The following PCDHA3 variants were observed in gnomAD, a reference collection of about 807,000 sequenced individuals.
PCDHA3 encodes the protein protocadherin alpha 3.
In PCDHA3, 41 loss-of-function variants were observed where a neutral mutation model predicts 62.2. That is an observed-to-expected ratio of 0.66 (90% CI 0.51 to 0.86). PCDHA3 has a LOEUF of 0.86. Ranked by LOEUF, PCDHA3 falls within the 40% of genes least tolerant of loss-of-function variation. The pLI is 0.00. For missense variants in PCDHA3, 1,304 were observed against 1,241.2 expected, an observed-to-expected ratio of 1.05 and a Z score of -0.76; for synonymous variants, 640 against 555.4, an observed-to-expected ratio of 1.15 and a Z score of -2.14.
At chr5:140,882,070 C>A in intron 1 of PCDHA3, 1 of 854,286 alleles carries the variant, frequency 1.2e-6, no homozygotes, top group Non-Finnish European at 1.8e-6. Context: ...CGTTCATGCG[C>A]ATGGTGTCGC....
intron 1 of PCDHA3, chr5:140,830,441 G>A (rs2150186537): frequency 6.2e-7 from 1 of 1,608,224 alleles, no homozygotes; most frequent in South Asian, 1.1e-5. Context: ...TATTATGATG[G>A]GTAAGGCGGA....
At chr5:140,888,843 G>T (rs2153425504) in intron 1 of PCDHA3, among the ~76,000 whole-genome samples, 1 of 152,082 alleles carries the variant, frequency 6.6e-6, no homozygotes, top group East Asian at 1.9e-4. Context: ...ACTGCAGCCT[G>T]GTGACAGAGT....
intron 1 of PCDHA3, chr5:140,966,932 G>A: frequency 6.2e-7 from 1 of 1,603,726 alleles, no homozygotes; most frequent in Non-Finnish European, 8.5e-7. Flanking sequence ...GGCACCCGGC[G>A]CGCTCGTGGG....
chr5:140,989,253 G>A (rs886150768), intron 3 of PCDHA3, among the ~76,000 whole-genome samples: 4 of 152,194 alleles, frequency 2.6e-5, no homozygotes, highest in Non-Finnish European at 1.5e-5. Flanking sequence ...CTTGTCAAAA[G>A]GGAGATTCAA....
intron 1 of PCDHA3, chr5:140,814,443 T>A (rs2126655227): frequency 2.0e-5 from 3 of 150,026 alleles, no homozygotes; most frequent in Non-Finnish European, 2.9e-5. Flanking sequence ...TGTGGTGACC[T>A]TTTTTCTTTT....
chr5:140,862,657 C>T (rs2047475881), intron 1 of PCDHA3: 2 of 545,364 alleles, frequency 3.7e-6, no homozygotes, highest in South Asian at 2.8e-5. Context: ...CGCGCGGGAC[C>T]GGGACGCGCA....
chr5:140,874,695 T>C (rs1278085784), intron 1 of PCDHA3, among the ~76,000 whole-genome samples: 1 of 152,228 alleles, frequency 6.6e-6, no homozygotes, highest in East Asian at 1.9e-4. Flanking sequence ...TAACATGTTA[T>C]GGAAATGAGA....
intron 1 of PCDHA3, chr5:140,807,311 G>T (rs781800843): frequency 1.9e-6 from 3 of 1,614,084 alleles, no homozygotes; most frequent in Middle Eastern, 1.7e-4. Context: ...GGCCAAACAC[G>T]GCACCTTCGT....
chr5:140,898,245 T>G (rs1583300763), intron 1 of PCDHA3, among the ~76,000 whole-genome samples: 1 of 152,246 alleles, frequency 6.6e-6, no homozygotes, highest in East Asian at 1.9e-4. Flanking sequence ...TTTGGTGTTT[T>G]AGACATGAAG....
Position 140,801,171 on chromosome 5 carries a change from C to T in PCDHA3, c.-27C>T. 7 of 1,563,956 alleles carry T rather than the reference C, an allele frequency of 4.5e-6. No individual in the cohort carries two copies. The highest frequency in any genetic ancestry group is 6.0e-6 in the Non-Finnish European group (7 of 1,157,848). On this transcript the variant is annotated 5_prime_UTR_variant, in exon 1 of 4. Transcript: ENST00000522353. ...TTTAAACTTTGGATCAATGTAAAGG[C>T]AATCTAATATTTGGAAAATACTTGC...
At chr5:140,942,588 ATATAAT>A (rs1164852863) in intron 1 of PCDHA3, among the ~76,000 whole-genome samples, 1 of 149,588 alleles carries the variant, frequency 6.7e-6, no homozygotes, top group Non-Finnish European at 1.5e-5. Flanking sequence ...AGGATGTCAC[ATATAAT>A]TATAGTGTTT....
At chr5:140,929,424 A>G in intron 1 of PCDHA3, 1 of 1,496,380 alleles carries the variant, frequency 6.7e-7, no homozygotes, top group East Asian at 2.3e-5. Flanking sequence ...ACATTTCATC[A>G]ATTGAACTAA....
chr5:140,836,547 C>CGGT, intron 1 of PCDHA3: 1 of 1,613,738 alleles, frequency 6.2e-7, no homozygotes, highest in Non-Finnish European at 8.5e-7. Context: ...CACGGCGTTG[C>CGGT]GGTGCTCAGC....
intron 1 of PCDHA3, chr5:140,825,843 T>C (rs1768734977): frequency 6.6e-6 from 1 of 152,442 alleles, no homozygotes; most frequent in Non-Finnish European, 1.5e-5. Context: ...AAATATACCA[T>C]GATACAAACT....
intron 1 of PCDHA3, chr5:140,969,237 C>T (rs1278018540): frequency 6.2e-7 from 1 of 1,614,156 alleles, no homozygotes; most frequent in African/African-American, 1.3e-5. Flanking sequence ...GGAGCCCAAG[C>T]AGCAGTGACT....
chr5:140,856,923 T>A (rs1178891192), intron 1 of PCDHA3: 1 of 1,595,300 alleles, frequency 6.3e-7, no homozygotes, highest in Non-Finnish European at 8.6e-7. Flanking sequence ...AGAAGGAAAT[T>A]TTGGATAAAC....
rs140846988 is a variant in PCDHA3 at position 140,828,361 on chromosome 5, C to A, written c.2394+24770C>A. The A allele has an allele frequency of 2.3e-4, 364 of 1,614,242 alleles. 1 individual carries two copies. In the African/African-American group the frequency reaches 3.9e-3, roughly 17 times the overall value. ...GCATTTTGTTTGTGAATTCTCGGATCGACCGCGAGGAGCTGTGCGGGCGGA... is the reference window on the plus strand; with the variant it reads ...GCATTTTGTTTGTGAATTCTCGGATAGACCGCGAGGAGCTGTGCGGGCGGA... On this transcript the variant is annotated intron_variant, in intron 1 of 3. Transcript: ENST00000522353.
rs200153004 is a variant in PCDHA3 at position 140,870,042 on chromosome 5, G to A, written c.2394+66451G>A. 5 of 1,613,712 alleles carry A rather than the reference G, an allele frequency of 3.1e-6. No homozygotes were observed. In the East Asian group the frequency reaches 6.7e-5, roughly 22 times the overall value. On this transcript the variant is annotated intron_variant, in intron 1 of 3. Coordinates refer to ENST00000522353, the MANE Select transcript of PCDHA3 (RefSeq NM_018906.3). The stretch of plus-strand genomic sequence containing the variant: ...GAACTTTAGATTATGAAGAAAACAA[G>A]TTTTATAAAATTGAAGTACAGGCTA...
At position 140,801,150 on chromosome 5, in the gene PCDHA3, A is replaced by C. The variant is rs782190308; in HGVS notation, c.-48A>C. ...AGATAAGGAACTCGAATTATTTTTAAACTTTGGATCAATGTAAAGGCAATC... is the reference window on the plus strand; with the variant it reads ...AGATAAGGAACTCGAATTATTTTTACACTTTGGATCAATGTAAAGGCAATC... On this transcript the variant is annotated 5_prime_UTR_variant, in exon 1 of 4. The change abolishes the stop of an existing upstream ORF in the 5' untranslated region. Transcript: ENST00000522353. 8.5e-6 allele frequency: 13 copies of C among 1,530,266 alleles called. No homozygotes were observed. Among genetic ancestry groups the C allele is most frequent in the Non-Finnish European group, 1.1e-5 (13 of 1,142,652 alleles). 94.8% of individuals were successfully genotyped at this position (1,530,266 alleles called of 1,614,324 possible). A position where few individuals can be genotyped will look rare whatever the true frequency, so the allele number is the denominator to read the frequency against.
Sources: gnomAD v4.1 joint callset for allele counts (sites outside exome capture counted in the v4.1 genomes callset) on GRCh38, gnomAD v4.1.1 for gene constraint, MANE v1.5 for transcripts, NCBI Gene and HGNC (gene_info 2026-07-23, HGNC 2026-07-21) for gene names.